Variants in MEIOC observed in about 807,000 individuals in gnomAD.
The protein encoded by MEIOC is meiosis-specific coiled-coil domain-containing protein MEIOC.
In MEIOC, 9 loss-of-function variants were observed where a neutral mutation model predicts 85.3. The ratio of observed to expected loss-of-function variants is 0.11; its 90% CI spans 0.06 to 0.18. The LOEUF (loss-of-function observed/expected upper bound fraction) is 0.18, where lower values mean the gene tolerates loss of function less well. Among genes scored for constraint, MEIOC ranks in the 10% least tolerant of loss-of-function variants. MEIOC has a pLI of 1.00. For synonymous variants in MEIOC, 365 were observed against 393.7 expected (o/e 0.93, Z 0.86); for missense variants, 898 against 1,129.4 (o/e 0.80, Z 2.94).
intron 7 of MEIOC, 137 bp downstream of exon 7, chr17:44,673,683 C>A: frequency 1.3e-6 from 1 of 792,632 alleles, no homozygotes; most frequent in Non-Finnish European, 1.9e-6. Context: ...ATAATCTCCA[C>A]ATTATTTACT....
In MEIOC at chr17:44,674,220, T is replaced by A. The variant is rs1360274744; in HGVS notation, c.*24T>A. The A allele has an allele frequency of 3.3e-6, 5 of 1,532,592 alleles. No homozygotes were observed. The highest frequency in any genetic ancestry group is 4.4e-6 in the Non-Finnish European group (5 of 1,138,252). The allele number at this position is 1,532,592 out of a possible 1,614,324, so 94.9% of individuals were successfully genotyped here. ...AAGGAAATGCCAGCAGAAAGAAGAA[T>A]AAAAAGCTGATAAATATACCAAGAC... On this transcript the variant is annotated 3_prime_UTR_variant, in exon 8 of 8. Transcript: ENST00000409122.
rs1411432720 is a variant in MEIOC, at chr17:44,667,325, A to G, written c.1414A>G (p.Asn472Asp). 6.2e-7 allele frequency: 1 copy of G among 1,613,858 alleles called. No homozygotes were observed. Among genetic ancestry groups the G allele is most frequent in the Non-Finnish European group, 8.5e-7 (1 of 1,179,832 alleles). The part of the protein sequence containing the change: ...SNSATSSGGI[N>D]LNRPTWMNVQ... ...CTCAGCAACATCTTCAGGAGGTATCAATTTAAACAGACCAACTTGGATGAA... is the reference window on the plus strand; with the variant it reads ...CTCAGCAACATCTTCAGGAGGTATCGATTTAAACAGACCAACTTGGATGAA... Residue 472 changes from asparagine (N) to aspartate (D), a missense_variant, in exon 5 of 8, where the codon AAT becomes GAT. This residue lies in a region of MEIOC where 734 missense variants were observed against 860.1 expected (regional missense o/e 0.85). Transcript: ENST00000409122.
In MEIOC at chr17:44,656,550, C is replaced by A; in HGVS notation, c.-64C>A. On this transcript the variant is annotated 5_prime_UTR_variant, in exon 1 of 8. Transcript: ENST00000409122. Reference sequence around the variant, plus strand: ...GGGCTGAGGGAGCCGGGCCTGGACGCCCCCCCCATCACCCCCGTACCCCAG... The same window carrying A: ...GGGCTGAGGGAGCCGGGCCTGGACGACCCCCCCATCACCCCCGTACCCCAG... 8.3e-7 allele frequency: 1 copy of A among 1,203,538 alleles called. No homozygotes were observed. The highest frequency in any genetic ancestry group is 3.2e-5 in the East Asian group (1 of 30,952). 74.6% of individuals were successfully genotyped at this position (1,203,538 alleles called of 1,614,324 possible).
chr17:44,673,628 AT>A (rs1972039016), intron 7 of MEIOC, 82 bp downstream of exon 7: 1 of 1,174,348 alleles, frequency 8.5e-7, no homozygotes, highest in Admixed American at 3.1e-5. Context: ...AGGTTGAAAG[AT>A]TAGATTTCTA....
Position 44,668,058 on chromosome 17 carries a change from G to A in MEIOC, c.2147G>A (p.Ser716Asn), listed in dbSNP as rs1221689835. 1 of 1,613,226 alleles carries A rather than the reference G, an allele frequency of 6.2e-7. No homozygotes were observed. Among genetic ancestry groups the A allele is most frequent in the Non-Finnish European group, 8.5e-7 (1 of 1,179,426 alleles). ...SYDLLSYDDLSHLYPYFNMMY... is the reference protein window; with the variant it reads ...SYDLLSYDDLNHLYPYFNMMY... ...GACTTACTTTCTTATGATGACTTAA[G>A]CCATTTGTACCCTTATTTTAATATG... is the stretch of plus-strand genomic sequence containing the variant. Residue 716 changes from serine (S) to asparagine (N), a missense_variant, in exon 5 of 8, where the codon AGC (serine) becomes AAC (asparagine). Ser to Asn is a conservative substitution (Grantham distance 46). Around this residue, in one of 2 missense-constraint regions of MEIOC, gnomAD observed 734 missense variants for 860.1 expected, o/e 0.85. Transcript: ENST00000409122.
chr17:44,656,694 G>A lies in MEIOC; in HGVS notation c.69+12G>A. 1 of 1,488,906 alleles carries A rather than the reference G, an allele frequency of 6.7e-7. No homozygotes were observed. 92.2% of individuals were successfully genotyped at this position (1,488,906 alleles called of 1,614,324 possible). On this transcript the variant is annotated intron_variant, in intron 1 of 7. Coordinates refer to ENST00000409122, the MANE Select transcript of MEIOC (RefSeq NM_001145080.3). ...AGGAAGGACTTGAGGTAATGGATGA[G>A]GAAGGGCAGGGTCCAGGGGGCGGCC... is the stretch of plus-strand genomic sequence containing the variant.
At chr17:44,676,937 T>G (rs779696949), downstream of MEIOC, 18 of 984,876 alleles carry the variant, frequency 1.8e-5, no homozygotes, top group Non-Finnish European at 2.2e-5. Context: ...TGATCCTCTA[T>G]TTTCTGTTTA....
chr17:44,668,433 G>A (rs1453558219), intron 5 of MEIOC, among the ~76,000 whole-genome samples, 200 bp downstream of exon 5: 1 of 152,112 alleles, frequency 6.6e-6, no homozygotes, highest in African/African-American at 2.4e-5. Flanking sequence ...CCAAACTCCT[G>A]GGCTCAAGCA....
At position 44,674,471 on chromosome 17, in the gene MEIOC, T is replaced by C. The variant is rs878887026; in HGVS notation, c.*275T>C. On this transcript the variant is annotated 3_prime_UTR_variant, in exon 8 of 8. Coordinates refer to ENST00000409122, the MANE Select transcript of MEIOC (RefSeq NM_001145080.3). ...ATTAAATATTTCCTAACAGCTAAAA[T>C]GTGCTTAAACTCATTCTGCCATGCA... 8.7e-7 allele frequency: 1 copy of C among 1,147,252 alleles called. No homozygotes were observed. The highest frequency in any genetic ancestry group is 3.1e-5 in the South Asian group (1 of 32,736). The allele number at this position is 1,147,252 out of a possible 1,614,324, so 71.1% of individuals were successfully genotyped here. A position where few individuals can be genotyped will look rare whatever the true frequency, so the allele number is the denominator to read the frequency against.
chr17:44,665,338 G>C (rs746792640), intron 3 of MEIOC, 46 bp from the exon 4 acceptor site: 12 of 1,242,358 alleles, frequency 9.7e-6, no homozygotes, highest in Middle Eastern at 2.1e-4. Flanking sequence ...AGTCTGGAAA[G>C]AGTAATCAAT....
chr17:44,656,612 C>G lies in MEIOC; in HGVS notation c.-2C>G. ...AGTCCAGGAGAGGCTGGGGGGCGCC[C>G]CATGGAGGTGAGACGCGGAGACACC... is the stretch of plus-strand genomic sequence containing the variant. On this transcript the variant is annotated 5_prime_UTR_variant, in exon 1 of 8. Coordinates refer to ENST00000409122, the MANE Select transcript of MEIOC (RefSeq NM_001145080.3). 2 of 1,476,074 alleles carry G rather than the reference C, an allele frequency of 1.4e-6. No homozygotes were observed. The highest frequency in any genetic ancestry group is 1.8e-6 in the Non-Finnish European group (2 of 1,111,504). 91.4% of individuals were successfully genotyped at this position (1,476,074 alleles called of 1,614,324 possible).
At position 44,667,419 on chromosome 17, in the gene MEIOC, A is replaced by T. The variant is rs760377974; in HGVS notation, c.1508A>T (p.His503Leu). Residue 503 changes from histidine to leucine, a missense_variant, in exon 5 of 8, where the codon CAT becomes CTT. Physicochemically the swap from His to Leu is moderately conservative, Grantham distance 99 (BLOSUM62 -3). This residue lies in a region of MEIOC where 734 missense variants were observed against 860.1 expected (regional missense o/e 0.85). Transcript: ENST00000409122. The part of the protein sequence containing the change: ...NQGNLMKLNS[H>L]LSAASKGSNH... The stretch of plus-strand genomic sequence containing the variant: ...GGTAACTTGATGAAATTAAATAGTC[A>T]TTTAAGTGCAGCTTCAAAAGGTTCT... 31 of 1,613,680 alleles carry T rather than the reference A, an allele frequency of 1.9e-5. No homozygotes were observed. The highest frequency in any genetic ancestry group is 1.6e-4 in the Middle Eastern group (1 of 6,084).
chr17:44,657,121 C>T lies in MEIOC; in HGVS notation c.70-6C>T. On this transcript the variant is annotated splice_polypyrimidine_tract_variant and splice_region_variant and intron_variant, in intron 1 of 7. Transcript: ENST00000409122. Reference sequence around the variant, plus strand: ...TTCTGATATTTCCTATTCCCGTGTGCTGCAGCCCAAAGTCGCGTTCCCCGG... The same window carrying T: ...TTCTGATATTTCCTATTCCCGTGTGTTGCAGCCCAAAGTCGCGTTCCCCGG... 6.5e-7 allele frequency: 1 copy of T among 1,548,348 alleles called. No homozygotes were observed. Among genetic ancestry groups the T allele is most frequent in the Non-Finnish European group, 8.7e-7 (1 of 1,146,446 alleles).
chr17:44,667,855 A>T lies in MEIOC; in HGVS notation c.1944A>T (p.Arg648Ser). The change falls in exon 5 of 8, where the codon AGA becomes AGT. Residue 648 changes from arginine to serine, a missense_variant. By Grantham distance (110) the Arg-to-Ser change is moderately radical. Coordinates refer to ENST00000409122, the MANE Select transcript of MEIOC (RefSeq NM_001145080.3). ...CACAGGGTCATTCTAATAGCCACAG[A>T]ACGAGAGGTGGAGACAATAGCCGTG... ...LESQGHSNSH[R>S]TRGGDNSRVN... 6.2e-7 allele frequency: 1 copy of T among 1,614,030 alleles called. No homozygotes were observed. Among genetic ancestry groups the T allele is most frequent in the Admixed American group, 1.7e-5 (1 of 60,020 alleles).
intron 6 of MEIOC, 68 bp downstream of exon 6, chr17:44,669,585 C>A (rs1018187645): frequency 6.8e-7 from 1 of 1,480,170 alleles, no homozygotes; most frequent in Non-Finnish European, 9.2e-7. Flanking sequence ...TCAGGCCAGG[C>A]GTGGTGGCTC....
rs985795933 is a variant in MEIOC at position 44,668,029 on chromosome 17, C to T, written c.2118C>T (p.Ser706=). The change falls in exon 5 of 8, where the codon TCC becomes TCT. Residue 706 remains serine, a synonymous_variant. Coordinates refer to ENST00000409122, the MANE Select transcript of MEIOC (RefSeq NM_001145080.3). ...ATTCAGTTGTTCCACTGTTGGATTC[C>T]TATGACTTACTTTCTTATGATGACT... ...FGHSVVPLLD[S]YDLLSYDDLS... 9 of 1,613,504 alleles carry T rather than the reference C, an allele frequency of 5.6e-6. No individual in the cohort carries two copies. The highest frequency in any genetic ancestry group is 7.6e-6 in the Non-Finnish European group (9 of 1,179,572).
rs1469642385 is a variant in MEIOC at position 44,667,686 on chromosome 17, A to G, written c.1775A>G (p.Tyr592Cys). Residue 592 changes from tyrosine (Y) to cysteine (C), a missense_variant, in exon 5 of 8, where the codon TAT becomes TGT. Tyr to Cys is a radical substitution (Grantham distance 194). Transcript: ENST00000409122. The part of the protein sequence containing the change: ...IKQPNGFCDN[Y>C]SAQKYGIIEN... ...CAGCCAAATGGATTTTGTGATAACT[A>G]TTCAGCTCAGAAGTATGGGATAATT... is the stretch of plus-strand genomic sequence containing the variant. The G allele has an allele frequency of 2.5e-6, 4 of 1,613,326 alleles. No homozygotes were observed. Among genetic ancestry groups the G allele is most frequent in the African/African-American group, 2.7e-5 (2 of 74,944 alleles).
intron 6 of MEIOC, among the ~76,000 whole-genome samples, chr17:44,672,369 T>G (rs1294102125): frequency 6.6e-6 from 1 of 152,204 alleles, no homozygotes; most frequent in Non-Finnish European, 1.5e-5. Flanking sequence ...GGAGGTTTTT[T>G]TGTGTGTGTT....
intron 6 of MEIOC, 34 bp from the exon 7 acceptor site, chr17:44,673,322 AATGGCAGGAC>A (rs1210697810): frequency 4.3e-6 from 6 of 1,409,112 alleles, no homozygotes; most frequent in Non-Finnish European, 5.7e-6. Context: ...TACTTAAGTT[AATGGCAGGAC>A]ATGTCTTATC....
Sources: gnomAD v4.1 joint callset for allele counts (sites outside exome capture counted in the v4.1 genomes callset) on GRCh38, gnomAD v4.1.1 for gene constraint, gnomAD v4.1.1 regional missense constraint, MANE v1.5 for transcripts, NCBI Gene and HGNC (gene_info 2026-07-23, HGNC 2026-07-21) for gene names.